Variants in IMMP2L observed in about 807,000 individuals in gnomAD.
IMMP2L encodes the protein inner mitochondrial membrane peptidase subunit 2, also known as mitochondrial inner membrane protease subunit 2.
A neutral mutation model predicts 19.3 loss-of-function variants in IMMP2L; 18 were observed. The ratio of observed to expected loss-of-function variants is 0.93; its 90% CI spans 0.64 to 1.38. The LOEUF (loss-of-function observed/expected upper bound fraction) is 1.38. Ranked by LOEUF, IMMP2L falls within the 40% of genes most tolerant of loss-of-function variation. The pLI, the probability that IMMP2L is intolerant of heterozygous loss-of-function variation, is 0.00. For missense variants in IMMP2L, 233 were observed against 218.2 expected, an observed-to-expected ratio of 1.07 and a Z score of -0.43; for synonymous variants, 76 against 73.0, an observed-to-expected ratio of 1.04 and a Z score of -0.21.
intron 5 of IMMP2L, among the ~76,000 whole-genome samples, chr7:110,847,618 T>C (rs570699360): frequency 6.6e-6 from 1 of 152,228 alleles, no homozygotes; most frequent in South Asian, 2.1e-4. Context: ...CACTCAATAT[T>C]GAAGGAGAAG....
chr7:111,130,910 A>G (rs1801782221), intron 3 of IMMP2L, among the ~76,000 whole-genome samples: 2 of 152,042 alleles, frequency 1.3e-5, no homozygotes, highest in African/African-American at 4.8e-5. Context: ...CTCCAAAACA[A>G]CTTTAAAGCT....
At chr7:111,547,389 T>C (rs887544864) in intron 1 of IMMP2L, among the ~76,000 whole-genome samples, 3 of 152,030 alleles carry the variant, frequency 2.0e-5, no homozygotes, top group Admixed American at 6.6e-5. Context: ...TAAAAAATCA[T>C]AGTTGATTCT....
At chr7:111,292,104 C>T (rs1018258898) in intron 3 of IMMP2L, among the ~76,000 whole-genome samples, 4 of 152,104 alleles carry the variant, frequency 2.6e-5, no homozygotes, top group African/African-American at 9.7e-5. Context: ...TTCAAAAATG[C>T]CTGTCAAAAG....
At chr7:110,820,248 A>G (rs1802905429) in intron 5 of IMMP2L, among the ~76,000 whole-genome samples, 1 of 152,096 alleles carries the variant, frequency 6.6e-6, no homozygotes, top group Non-Finnish European at 1.5e-5. Flanking sequence ...AGGTGAAAAT[A>G]TGTGAAACTC....
chr7:111,003,705 T>G (rs1421712422), intron 3 of IMMP2L, among the ~76,000 whole-genome samples: 3 of 151,948 alleles, frequency 2.0e-5, no homozygotes, highest in Non-Finnish European at 4.4e-5. Flanking sequence ...AGAAATGGGG[T>G]CTTACTATGC....
At chr7:111,024,170 G>T (rs1382429005) in intron 3 of IMMP2L, among the ~76,000 whole-genome samples, 1 of 152,176 alleles carries the variant, frequency 6.6e-6, no homozygotes, top group Non-Finnish European at 1.5e-5. Flanking sequence ...TTTTAGCAAT[G>T]CATCTTTTAC....
At chr7:111,556,371 T>C (rs1269933761) in intron 1 of IMMP2L, among the ~76,000 whole-genome samples, 2 of 152,080 alleles carry the variant, frequency 1.3e-5, no homozygotes, top group Non-Finnish European at 2.9e-5. Flanking sequence ...CTCACTACAG[T>C]AACCATTTTA....
At chr7:111,268,533 C>T (rs1818071293) in intron 3 of IMMP2L, among the ~76,000 whole-genome samples, 1 of 142,956 alleles carries the variant, frequency 7.0e-6, no homozygotes, top group Non-Finnish European at 1.5e-5. Flanking sequence ...AAACTACATT[C>T]CCAGGGTAGA....
intron 3 of IMMP2L, among the ~76,000 whole-genome samples, chr7:110,989,795 TG>T (rs1240507305): frequency 6.6e-6 from 1 of 151,876 alleles, no homozygotes; most frequent in East Asian, 1.9e-4. Flanking sequence ...GATGGGCAAA[TG>T]TTTTTTAAAA....
At chr7:110,717,268 A>G (rs1795288262) in intron 5 of IMMP2L, among the ~76,000 whole-genome samples, 2 of 152,146 alleles carry the variant, frequency 1.3e-5, no homozygotes, top group Non-Finnish European at 2.9e-5. Context: ...TGAGGTCAGG[A>G]GATGGAGACC....
At chr7:110,962,905 A>G in intron 4 of IMMP2L, 1 of 1,375,492 alleles carries the variant, frequency 7.3e-7, no homozygotes, top group Non-Finnish European at 9.3e-7. Flanking sequence ...GAGACACATC[A>G]TGCCACACAG....
rs148942887 is a variant in IMMP2L, at chr7:110,898,222, A to G, written c.306-11527T>C. 6.2e-4 allele frequency among the ~76,000 whole-genome samples: 94 copies of G among 152,038 alleles called. No homozygotes were observed. In the East Asian group the frequency reaches 0.013, roughly 21 times the overall value. On this transcript the variant is annotated intron_variant, in intron 4 of 5. Coordinates refer to ENST00000405709, the MANE Select transcript of IMMP2L (RefSeq NM_032549.4). ...ATTGTGTCATAGCAGTGAAATTAGC[A>G]GAAATTAAAAAAGAAGAAAACAAAC...
intron 5 of IMMP2L, among the ~76,000 whole-genome samples, chr7:110,845,953 C>G (rs1458228529): frequency 3.9e-5 from 6 of 152,178 alleles, no homozygotes; most frequent in Non-Finnish European, 8.8e-5. Context: ...TCAGCAGACA[C>G]TGAATCTGCC....
intron 3 of IMMP2L, among the ~76,000 whole-genome samples, chr7:111,416,513 C>T (rs1431464484): frequency 6.6e-6 from 1 of 151,792 alleles, no homozygotes; most frequent in Non-Finnish European, 1.5e-5. Flanking sequence ...ACCAAATAAT[C>T]CACTTTCCCT....
At chr7:111,444,307 T>C (rs1401806564) in intron 3 of IMMP2L, among the ~76,000 whole-genome samples, 1 of 152,164 alleles carries the variant, frequency 6.6e-6, no homozygotes, top group Non-Finnish European at 1.5e-5. Context: ...TGCACACACA[T>C]GCACATAACA....
In IMMP2L at chr7:111,204,973, G is replaced by C. The variant is rs144194481; in HGVS notation, c.240-241408C>G. On this transcript the variant is annotated intron_variant, in intron 3 of 5. Transcript: ENST00000405709. ...TTCCTCCTGCTATAACAAAATATCA[G>C]ACTGGGTAATTTATAAGGAACAGAA... Among the ~76,000 whole-genome samples, 478 of 152,188 alleles carry C rather than the reference G, an allele frequency of 3.1e-3. 1 individual carries two copies. The highest frequency in any genetic ancestry group is 5.5e-3 in the Admixed American group (84 of 15,282).
At chr7:110,737,518 C>T (rs1796717904) in intron 5 of IMMP2L, among the ~76,000 whole-genome samples, 1 of 152,188 alleles carries the variant, frequency 6.6e-6, no homozygotes, top group Admixed American at 6.5e-5. Flanking sequence ...CGCAGCAAGC[C>T]CACCCCAAGA....
intron 3 of IMMP2L, among the ~76,000 whole-genome samples, chr7:111,446,578 A>G (rs1238365144): frequency 6.6e-6 from 1 of 151,956 alleles, no homozygotes; most frequent in Non-Finnish European, 1.5e-5. Context: ...ATCAAAGACC[A>G]AAAGTAGATA....
chr7:111,519,874 A>G (rs573679187), intron 2 of IMMP2L, among the ~76,000 whole-genome samples: 25 of 150,354 alleles, frequency 1.7e-4, no homozygotes, highest in South Asian at 2.1e-4. Flanking sequence ...AAATTGGGGG[A>G]AAAAAAATCA....
Sources: gnomAD v4.1 joint callset for allele counts (sites outside exome capture counted in the v4.1 genomes callset) on GRCh38, gnomAD v4.1.1 for gene constraint, MANE v1.5 for transcripts, NCBI Gene and HGNC (gene_info 2026-07-23, HGNC 2026-07-21) for gene names.